The following TAFA2 variants were observed in gnomAD, a reference collection of about 807,000 sequenced individuals.
TAFA2 encodes TAFA chemokine like family member 2.
In TAFA2, 7 loss-of-function variants were observed where a neutral mutation model predicts 18.8. The observed-to-expected ratio is 0.37, with a 90% confidence interval of 0.21 to 0.70. The LOEUF (loss-of-function observed/expected upper bound fraction) is 0.70, where lower values mean the gene tolerates loss of function less well. Among genes scored for constraint, TAFA2 ranks in the 30% least tolerant of loss-of-function variants. The pLI is 0.53. For missense variants in TAFA2, 122 were observed against 158.1 expected, an observed-to-expected ratio of 0.77 and a Z score of 1.23; for synonymous variants, 60 against 54.2, an observed-to-expected ratio of 1.11 and a Z score of -0.47.
chr12:61,742,359 A>G (rs1868494942), intron 4 of TAFA2, among the ~76,000 whole-genome samples: 1 of 152,138 alleles, frequency 6.6e-6, no homozygotes, highest in Non-Finnish European at 1.5e-5. Flanking sequence ...ACAAGAACTC[A>G]GTATTTCTTG....
intron 1 of TAFA2, among the ~76,000 whole-genome samples, chr12:61,990,084 A>G (rs942256840): frequency 1.1e-4 from 17 of 152,232 alleles, no homozygotes; most frequent in African/African-American, 3.6e-4. Context: ...CAGCAAGGAA[A>G]GAATTCCATC....
At chr12:62,221,387 C>G (rs998887023) in intron 1 of TAFA2, among the ~76,000 whole-genome samples, 1 of 152,042 alleles carries the variant, frequency 6.6e-6, no homozygotes, top group Non-Finnish European at 1.5e-5. Context: ...TTAGACCAAC[C>G]AACTGATTTA....
Position 62,202,821 on chromosome 12 carries a change from C to CTTTTTT in TAFA2, c.-130+55936_-130+55941dup, listed in dbSNP as rs71083986. On this transcript the variant is annotated intron_variant, in intron 1 of 5. Coordinates refer to the TAFA2 transcript ENST00000551619. Reference sequence around the variant, plus strand: ...TCAATTTACATGTAGCTGTGTGGTTCTTTTTTTTTTTTTTTTTTTTTTTTT... The same window carrying CTTTTTT: ...TCAATTTACATGTAGCTGTGTGGTTCTTTTTTTTTTTTTTTTTTTTTTTTTTTTTTT... 1.3e-4 allele frequency among the ~76,000 whole-genome samples: 8 copies of CTTTTTT among 61,624 alleles called. 2 individuals carry two copies. Among genetic ancestry groups the CTTTTTT allele is most frequent in the Admixed American group, 2.4e-4 (1 of 4,188 alleles). The allele number at this position is 61,624 out of a possible 152,430, so 40.4% of individuals were successfully genotyped here. A position where few individuals can be genotyped will look rare whatever the true frequency, so the allele number is the denominator to read the frequency against.
rs184891715 is a variant in TAFA2 at position 61,928,714 on chromosome 12, A to T, written c.-1-61288T>A. On this transcript the variant is annotated intron_variant, in intron 1 of 4. Transcript: ENST00000416284. ...CATTCTACTAAAAAGACACATGCAC[A>T]TGTATGTTTATTACAGCACTATTTA... is the stretch of plus-strand genomic sequence containing the variant. 1.4e-4 allele frequency among the ~76,000 whole-genome samples: 21 copies of T among 152,338 alleles called. No individual in the cohort carries two copies. The East Asian group carries it at 3.3e-3, about 24-fold the overall frequency.
chr12:61,949,362 C>T (rs1480956756), intron 1 of TAFA2, among the ~76,000 whole-genome samples: 1 of 152,054 alleles, frequency 6.6e-6, no homozygotes, highest in African/African-American at 2.4e-5. Flanking sequence ...GATTCCCAGG[C>T]CTTTGGACTC....
chr12:62,104,351 C>A (rs552035882), intron 1 of TAFA2, among the ~76,000 whole-genome samples: 10 of 151,694 alleles, frequency 6.6e-5, no homozygotes, highest in African/African-American at 2.4e-4. Flanking sequence ...ATTTTAGACA[C>A]CAGGGTTTGC....
At chr12:62,042,431 G>A (rs190122216) in intron 1 of TAFA2, among the ~76,000 whole-genome samples, 17 of 89,420 alleles carry the variant, frequency 1.9e-4, no homozygotes, top group African/African-American at 4.2e-4. Flanking sequence ...GTGTGTGTGC[G>A]CGTGTGTGTG....
At chr12:61,725,495 T>C (rs1407646368) in intron 4 of TAFA2, among the ~76,000 whole-genome samples, 1 of 152,116 alleles carries the variant, frequency 6.6e-6, no homozygotes, top group Non-Finnish European at 1.5e-5. Flanking sequence ...TTCATTCTTC[T>C]GCATGTGGCT....
At chr12:62,220,012 A>T (rs1003237277) in intron 1 of TAFA2, among the ~76,000 whole-genome samples, 4 of 152,198 alleles carry the variant, frequency 2.6e-5, no homozygotes, top group African/African-American at 9.6e-5. Context: ...GAGCATTTTT[A>T]AACAACTAAA....
chr12:62,027,364 A>T (rs1881337013), intron 1 of TAFA2, among the ~76,000 whole-genome samples: 1 of 152,208 alleles, frequency 6.6e-6, no homozygotes. Flanking sequence ...ATCATGGGAA[A>T]GTGGAGTTGT....
chr12:62,116,804 T>C (rs1869981846), intron 1 of TAFA2, among the ~76,000 whole-genome samples: 1 of 152,158 alleles, frequency 6.6e-6, no homozygotes, highest in Non-Finnish European at 1.5e-5. Flanking sequence ...CCTAAACTCA[T>C]ATGCTGAAGC....
At chr12:61,841,978 G>A (rs1035121343) in intron 2 of TAFA2, among the ~76,000 whole-genome samples, 3 of 151,970 alleles carry the variant, frequency 2.0e-5, no homozygotes, top group Non-Finnish European at 2.9e-5. Context: ...CAGACAAACC[G>A]TCATGATTGG....
intron 1 of TAFA2, among the ~76,000 whole-genome samples, chr12:61,886,622 G>A (rs1453233242): frequency 1.3e-5 from 2 of 152,124 alleles, no homozygotes; most frequent in African/African-American, 4.8e-5. Flanking sequence ...GTTCTCGTGT[G>A]GGTCCCAGTG....
intron 4 of TAFA2, among the ~76,000 whole-genome samples, chr12:61,719,193 T>C (rs1869788728): frequency 6.6e-6 from 1 of 152,170 alleles, no homozygotes; most frequent in Non-Finnish European, 1.5e-5. Flanking sequence ...ATTCAGTTTA[T>C]AGTTTAAGTA....
chr12:62,202,025 A>G (rs1027173831), intron 1 of TAFA2, among the ~76,000 whole-genome samples: 3 of 152,084 alleles, frequency 2.0e-5, no homozygotes, highest in African/African-American at 7.2e-5. Context: ...GTTTATTTGC[A>G]TAGATGTGTT....
intron 2 of TAFA2, among the ~76,000 whole-genome samples, chr12:61,784,425 G>A (rs78423581): frequency 0.037 from 5,621 of 151,598 alleles, 198 homozygotes; most frequent in East Asian, 0.17. Flanking sequence ...TCCTCAGAGT[G>A]GCTCAGATCA....
At chr12:62,200,245 G>A (rs2062665476) in intron 1 of TAFA2, among the ~76,000 whole-genome samples, 1 of 152,080 alleles carries the variant, frequency 6.6e-6, no homozygotes. Context: ...CTGTGTAGAA[G>A]CTCTTTGGTT....
intron 1 of TAFA2, among the ~76,000 whole-genome samples, chr12:62,075,139 T>C (rs183979528): frequency 2.6e-5 from 4 of 152,338 alleles, no homozygotes; most frequent in Admixed American, 2.6e-4. Flanking sequence ...AAATGAAATA[T>C]TTGTATAACA....
intron 4 of TAFA2, among the ~76,000 whole-genome samples, chr12:61,730,619 G>A (rs1429140882): frequency 6.6e-6 from 1 of 151,998 alleles, no homozygotes; most frequent in East Asian, 1.9e-4. Context: ...GTGGTTCTCA[G>A]GCCAATCGAT....
Sources: allele counts gnomAD v4.1 joint callset (sites outside exome capture counted in the v4.1 genomes callset), GRCh38; gene constraint gnomAD v4.1.1; transcripts MANE v1.5; gene names NCBI Gene and HGNC (gene_info 2026-07-23, HGNC 2026-07-21).